FIRRM: variants seen among roughly 807,000 people sequenced by gnomAD.
FIRRM encodes FIGNL1 interacting regulator of recombination and mitosis.
the FIRRM span, chr1:169,852,840 G>A: frequency 3.7e-6 from 6 of 1,613,990 alleles, no homozygotes; most frequent in Non-Finnish European, 5.1e-6. Flanking sequence ...AAGAGTACAG[G>A]TCAGCGCTGC....
the FIRRM span, chr1:169,823,362 G>A: frequency 8.4e-7 from 1 of 1,186,582 alleles, no homozygotes; most frequent in Non-Finnish European, 1.2e-6. Context: ...ATGTACTAAA[G>A]AGACATATTT....
chr1:169,807,967 T>G, the FIRRM span: 1 of 1,578,948 alleles, frequency 6.3e-7, no homozygotes, highest in Non-Finnish European at 8.6e-7. Context: ...ACAGCAACTC[T>G]TATTTTCTTT....
the FIRRM span, among the ~76,000 whole-genome samples, chr1:169,840,893 G>A: frequency 4.6e-5 from 7 of 152,102 alleles, no homozygotes; most frequent in Non-Finnish European, 2.9e-5. Flanking sequence ...TTTGTATCCT[G>A]AAACAGATAG....
At chr1:169,826,988 T>C in the FIRRM span, 3 of 1,485,888 alleles carry the variant, frequency 2.0e-6, no homozygotes, top group Non-Finnish European at 2.8e-6. Context: ...TTTATAGTAC[T>C]TACTCTACCT....
At chr1:169,793,606 T>C in the FIRRM span, 11 of 1,614,108 alleles carry the variant, frequency 6.8e-6, no homozygotes, top group Non-Finnish European at 9.3e-6. Context: ...ACAGCTCTTT[T>C]GAGGAATCCA....
chr1:169,785,511 G>C, the FIRRM span, among the ~76,000 whole-genome samples: 6 of 152,132 alleles, frequency 3.9e-5, no homozygotes, highest in Admixed American at 2.6e-4. Flanking sequence ...AAGGGGGATG[G>C]AGTGGGAAGA....
At chr1:169,847,651 G>GT in the FIRRM span, 1 of 1,365,766 alleles carries the variant, frequency 7.3e-7, no homozygotes, top group Non-Finnish European at 1.0e-6. Flanking sequence ...CAAAATACTG[G>GT]TATTATTTAT....
At chr1:169,853,806 GAAACA>G in the FIRRM span, 3 of 1,595,160 alleles carry the variant, frequency 1.9e-6, no homozygotes, top group Non-Finnish European at 2.6e-6. Context: ...AGAACCCACT[GAAACA>G]AATCATATGC....
At chr1:169,816,961 T>C in the FIRRM span, among the ~76,000 whole-genome samples, 1 of 152,188 alleles carries the variant, frequency 6.6e-6, no homozygotes, top group Non-Finnish European at 1.5e-5. Context: ...AGGTTCCAAA[T>C]TCTGGAGAAA....
chr1:169,829,576 G>T, the FIRRM span: 1 of 858,558 alleles, frequency 1.2e-6, no homozygotes, highest in East Asian at 2.8e-5. Context: ...AAACTTAGTT[G>T]TGTCCTAGAA....
the FIRRM span, chr1:169,795,361 A>C: frequency 7.1e-7 from 1 of 1,415,400 alleles, no homozygotes; most frequent in Non-Finnish European, 9.3e-7. Context: ...AGTGGGATGA[A>C]AAGTGAGGGA....
chr1:169,818,873 G>A, the FIRRM span, among the ~76,000 whole-genome samples: 1 of 152,132 alleles, frequency 6.6e-6, no homozygotes, highest in Non-Finnish European at 1.5e-5. Context: ...TTTTAGTAGA[G>A]ACAGGGTTTC....
chr1:169,802,244 C>T, the FIRRM span, among the ~76,000 whole-genome samples: 1 of 152,060 alleles, frequency 6.6e-6, no homozygotes, highest in African/African-American at 2.4e-5. Flanking sequence ...CCAGAAAATA[C>T]CCTTGTAAAT....
the FIRRM span, chr1:169,793,905 G>GAAA: frequency 1.4e-5 from 3 of 215,552 alleles, no homozygotes; most frequent in Non-Finnish European, 1.6e-5. Context: ...GCTCTGGAAA[G>GAAA]AAAAAAAAAA....
chr1:169,837,318 G>T, the FIRRM span, among the ~76,000 whole-genome samples: 3 of 152,206 alleles, frequency 2.0e-5, no homozygotes, highest in Admixed American at 1.3e-4. Flanking sequence ...TTATATTGGG[G>T]GGTTGTTTCC....
the FIRRM span, among the ~76,000 whole-genome samples, chr1:169,813,226 C>T: frequency 6.6e-6 from 1 of 152,208 alleles, no homozygotes; most frequent in Non-Finnish European, 1.5e-5. Context: ...ACGTCAGACA[C>T]TGTTTAAATC....
chr1:169,808,185 A>G, the FIRRM span, among the ~76,000 whole-genome samples: 1 of 152,170 alleles, frequency 6.6e-6, no homozygotes, highest in African/African-American at 2.4e-5. Flanking sequence ...GGTTGGTCAC[A>G]GCATTCTTCT....
chr1:169,836,994 T>C, the FIRRM span: 56 of 1,613,788 alleles, frequency 3.5e-5, no homozygotes, highest in Middle Eastern at 1.6e-4. Flanking sequence ...CATATTTCCT[T>C]CCAGGCGTTA....
At chr1:169,800,846 G>T in the FIRRM span, 1 of 1,067,866 alleles carries the variant, frequency 9.4e-7, no homozygotes, top group South Asian at 1.4e-5. Flanking sequence ...TGACTGACAT[G>T]ACAATATTTT....
Sources: allele counts gnomAD v4.1 joint callset (sites outside exome capture counted in the v4.1 genomes callset), GRCh38; gene constraint gnomAD v4.1.1; transcripts MANE v1.5; gene names NCBI Gene and HGNC (gene_info 2026-07-23, HGNC 2026-07-21).